Variants in KY observed in about 807,000 individuals in gnomAD.
KY encodes the protein kyphoscoliosis peptidase.
KY carries 43 observed loss-of-function variants against 76.1 expected under a neutral mutation model. That is an observed-to-expected ratio of 0.57 (90% CI 0.44 to 0.73). The LOEUF is 0.73. Among genes scored for constraint, KY ranks in the 30% least tolerant of loss-of-function variants. KY has a pLI of 0.00. For synonymous variants in KY, 277 were observed against 326.2 expected, an observed-to-expected ratio of 0.85 and a Z score of 1.63; for missense variants, 722 against 828.9, an observed-to-expected ratio of 0.87 and a Z score of 1.58.
In KY at chr3:134,650,917, A is replaced by G; in HGVS notation, c.44T>C (p.Leu15Pro). The change falls in exon 1 of 11, where the codon CTG becomes CCG. Residue 15 changes from leucine to proline, a missense_variant. Coordinates refer to ENST00000423778, the MANE Select transcript of KY (RefSeq NM_178554.6). ...KDINAVSIDM[L>P]LIVHSEKRRA... Reference sequence around the variant, plus strand: ...CCGCTTCTCCGAGTGCACGATCAGCAGCATGTCGATAGATACAGCGTTGAT... The same window carrying G: ...CCGCTTCTCCGAGTGCACGATCAGCGGCATGTCGATAGATACAGCGTTGAT... The G allele has an allele frequency of 2.5e-6, 4 of 1,613,280 alleles. No homozygotes were observed. The highest frequency in any genetic ancestry group is 3.4e-6 in the Non-Finnish European group (4 of 1,179,494).
In KY at chr3:134,620,745, C is replaced by CT. The variant is rs1256894273; in HGVS notation, c.592+3dup. The stretch of plus-strand genomic sequence containing the variant: ...AGAGCCAGAAATTCCACAGGGGGGC[C>CT]TACCTATGTGATGGCAGATCCAGAT... On this transcript the variant is annotated splice_donor_region_variant and intron_variant, in intron 7 of 10. Transcript: ENST00000423778. 6.2e-7 allele frequency: 1 copy of CT among 1,609,698 alleles called. No homozygotes were observed. Among genetic ancestry groups the CT allele is most frequent in the African/African-American group, 1.3e-5 (1 of 74,836 alleles).
intron 8 of KY, among the ~76,000 whole-genome samples, chr3:134,614,292 T>G (rs377358147): frequency 6.6e-6 from 1 of 152,184 alleles, no homozygotes; most frequent in East Asian, 1.9e-4. Context: ...AGGAGATTTA[T>G]TTAATGACCT....
chr3:134,627,967 T>C (rs1168519606), intron 4 of KY, 149 bp from the exon 5 acceptor site: 3 of 642,978 alleles, frequency 4.7e-6, no homozygotes, highest in Non-Finnish European at 8.3e-6. Context: ...CACTGACCAC[T>C]GAATTGCTGC....
At chr3:134,649,969 G>A (rs552316420) in intron 1 of KY, among the ~76,000 whole-genome samples, 3 of 152,200 alleles carry the variant, frequency 2.0e-5, no homozygotes, top group Non-Finnish European at 4.4e-5. Flanking sequence ...CTGGCCCGCA[G>A]TCCGCCTAGT....
At chr3:134,650,708 G>A in intron 1 of KY, 117 bp downstream of exon 1, 1 of 951,814 alleles carries the variant, frequency 1.1e-6, no homozygotes, top group Non-Finnish European at 1.5e-6. Flanking sequence ...TGGGGGAGAG[G>A]GTCGGGTTCG....
At chr3:134,619,313 A>G (rs1191115416) in intron 7 of KY, 48 bp from the exon 8 acceptor site, 12 of 1,414,448 alleles carry the variant, frequency 8.5e-6, no homozygotes, top group Non-Finnish European at 1.2e-5. Flanking sequence ...CTGGGAGGCG[A>G]GAAGACTCCA....
chr3:134,643,264 G>A, intron 3 of KY, 52 bp downstream of exon 3: 1 of 1,574,898 alleles, frequency 6.3e-7, no homozygotes, highest in Non-Finnish European at 8.7e-7. Flanking sequence ...CAGAGCATCA[G>A]GTCTGGGCAC....
intron 8 of KY, among the ~76,000 whole-genome samples, chr3:134,618,781 G>A (rs1962046819): frequency 6.6e-6 from 1 of 152,148 alleles, no homozygotes; most frequent in South Asian, 2.1e-4. Context: ...TCAGCCCTGA[G>A]GACAGCCTTT....
At chr3:134,641,735 CCG>C (rs1437156733) in intron 3 of KY, among the ~76,000 whole-genome samples, 1 of 152,118 alleles carries the variant, frequency 6.6e-6, no homozygotes, top group Non-Finnish European at 1.5e-5. Flanking sequence ...GACCCCATAC[CCG>C]CACACACCCC....
Position 134,620,742 on chromosome 3 carries a change from G to A in KY, c.592+7C>T, listed in dbSNP as rs1177675161. The A allele has an allele frequency of 3.1e-6, 5 of 1,605,698 alleles. 1 individual carries two copies. The South Asian group carries it at 4.4e-5, about 14-fold the overall frequency. ...TCTAGAGCCAGAAATTCCACAGGGG[G>A]GCCTACCTATGTGATGGCAGATCCA... On this transcript the variant is annotated splice_region_variant and intron_variant, in intron 7 of 10. Coordinates refer to ENST00000423778, the MANE Select transcript of KY (RefSeq NM_178554.6).
intron 7 of KY, among the ~76,000 whole-genome samples, chr3:134,620,149 A>G (rs1962350989): frequency 6.6e-6 from 1 of 151,944 alleles, no homozygotes; most frequent in Non-Finnish European, 1.5e-5. Context: ...CTTAGCCACC[A>G]CCTCTGCAGC....
At chr3:134,626,946 T>C (rs7653880) in intron 5 of KY, among the ~76,000 whole-genome samples, 96,951 of 152,074 alleles carry the variant, frequency 0.64, 31,575 homozygotes, top group East Asian at 0.88. Flanking sequence ...ATCAGGGCGA[T>C]CTAAGTGCAT....
In KY at chr3:134,604,025, G is replaced by A. The variant is rs1959084372; in HGVS notation, c.1540C>T (p.Gln514Ter). Residue 514 changes from glutamine (Q) to a stop codon, truncating the protein, a stop_gained, in exon 11 of 11, where the codon CAG becomes TAG. Coordinates refer to ENST00000423778, the MANE Select transcript of KY (RefSeq NM_178554.6). LOFTEE classifies it high-confidence loss of function. ...TCGGTCTGCTTCTCCCGGTGCAGCTGGAAGATGTAGCGCCGCTGTGTCTCC... is the reference window on the plus strand; with the variant it reads ...TCGGTCTGCTTCTCCCGGTGCAGCTAGAAGATGTAGCGCCGCTGTGTCTCC... The part of the protein sequence containing the change: ...TEETQRRYIF[Q>*]LHREKQTELK... The A allele has an allele frequency of 6.2e-7, 1 of 1,614,012 alleles. No homozygotes were observed. Among genetic ancestry groups the A allele is most frequent in the Non-Finnish European group, 8.5e-7 (1 of 1,179,866 alleles).
At chr3:134,623,671 C>T (rs1381987742) in intron 6 of KY, among the ~76,000 whole-genome samples, 1 of 152,090 alleles carries the variant, frequency 6.6e-6, no homozygotes, top group South Asian at 2.1e-4. Context: ...GCTTGCTCTT[C>T]CACCCACCTG....
At position 134,601,480 on chromosome 3, in the gene KY, T is replaced by C. The variant is rs1339403336; in HGVS notation, c.*2099A>G. ...TGACATGCGTCATCGAAGGCACTTA[T>C]TGTTTTGATGAAACAAACACATTTC... On this transcript the variant is annotated 3_prime_UTR_variant, in exon 11 of 11. Coordinates refer to ENST00000423778, the MANE Select transcript of KY (RefSeq NM_178554.6). Among the ~76,000 whole-genome samples, 1 of 152,252 alleles carries C rather than the reference T, an allele frequency of 6.6e-6. No homozygotes were observed. Among genetic ancestry groups the C allele is most frequent in the Non-Finnish European group, 1.5e-5 (1 of 68,040 alleles).
rs1959008221 is a variant in KY, at chr3:134,602,381, G to C, written c.*1198C>G. ...TGCCTGAGCAAGCAAGGAGCCCTGA[G>C]CTGTCCCCATGCAAGGTGAGACTGG... On this transcript the variant is annotated 3_prime_UTR_variant, in exon 11 of 11. Coordinates refer to ENST00000423778, the MANE Select transcript of KY (RefSeq NM_178554.6). 6.6e-6 allele frequency among the ~76,000 whole-genome samples: 1 copy of C among 152,174 alleles called. No individual in the cohort carries two copies. The highest frequency in any genetic ancestry group is 1.5e-5 in the Non-Finnish European group (1 of 68,028).
chr3:134,619,554 T>G (rs1440897976), intron 7 of KY, among the ~76,000 whole-genome samples: 1 of 152,206 alleles, frequency 6.6e-6, no homozygotes, highest in Non-Finnish European at 1.5e-5. Flanking sequence ...CTCTCTCTGC[T>G]AATCCCCACC....
chr3:134,616,693 T>C (rs1294286626), intron 8 of KY, among the ~76,000 whole-genome samples: 2 of 152,178 alleles, frequency 1.3e-5, no homozygotes, highest in Non-Finnish European at 2.9e-5. Flanking sequence ...ATAGGGCCAT[T>C]GTTAAGTATC....
intron 9 of KY, among the ~76,000 whole-genome samples, chr3:134,609,814 A>T (rs1285908181): frequency 6.6e-6 from 1 of 152,228 alleles, no homozygotes; most frequent in Non-Finnish European, 1.5e-5. Flanking sequence ...GTAAGAGATC[A>T]TTCTGGCATT....
Sources: allele counts gnomAD v4.1 joint callset (sites outside exome capture counted in the v4.1 genomes callset), GRCh38; gene constraint gnomAD v4.1.1; transcripts MANE v1.5; gene names NCBI Gene and HGNC (gene_info 2026-07-23, HGNC 2026-07-21).